The following MAOB variants were observed in gnomAD, a reference collection of about 807,000 sequenced individuals.
MAOB encodes monoamine oxidase B, also known as amine oxidase [flavin-containing] B.
A neutral mutation model predicts 41.9 loss-of-function variants in MAOB; 15 were observed. That is an observed-to-expected ratio of 0.36 (90% CI 0.24 to 0.55). The LOEUF is 0.55. Among genes scored for constraint, MAOB ranks in the 20% least tolerant of loss-of-function variants. The pLI is 0.86. For missense variants in MAOB, 345 were observed against 398.7 expected (o/e 0.87, Z 1.15); for synonymous variants, 167 against 144.2 (o/e 1.16, Z -1.13).
intron 2 of MAOB, among the ~76,000 whole-genome samples, chrX:43,839,824 C>A (rs978955492): frequency 8.9e-6 from 1 of 111,882 alleles, no homozygotes; most frequent in Non-Finnish European, 1.9e-5. Flanking sequence ...TGTACTAAAC[C>A]AGCTTCTTTA....
At position 43,836,574 on chromosome X, in the gene MAOB, A is replaced by G. The variant is rs755440234; in HGVS notation, c.279+2294T>C. Reference sequence around the variant, plus strand: ...ATATACACATATGCATGTGCATACAATTTCTTAAAATGCACTGTTATTTCC... The same window carrying G: ...ATATACACATATGCATGTGCATACAGTTTCTTAAAATGCACTGTTATTTCC... On this transcript the variant is annotated intron_variant, in intron 3 of 14. Transcript: ENST00000378069. Among the ~76,000 whole-genome samples, 3 of 112,290 alleles carry G rather than the reference A, an allele frequency of 2.7e-5. No individual in the cohort carries two copies. The East Asian group carries it at 8.4e-4, about 31-fold the overall frequency.
chrX:43,841,868 A>G (rs898191548), intron 2 of MAOB, among the ~76,000 whole-genome samples: 1 of 112,015 alleles, frequency 8.9e-6, no homozygotes, highest in African/African-American at 3.2e-5. Context: ...GCAGAAGAAT[A>G]AAAGTAGTCC....
intron 1 of MAOB, chrX:43,850,291 T>A: frequency 1.4e-6 from 1 of 707,991 alleles, no homozygotes; most frequent in African/African-American, 2.3e-5. Context: ...TCAGAATTTT[T>A]AAATTAACTT....
chrX:43,862,452 G>C (rs1006510477), intron 1 of MAOB, among the ~76,000 whole-genome samples: 1 of 112,271 alleles, frequency 8.9e-6, no homozygotes, highest in Non-Finnish European at 1.9e-5. Flanking sequence ...AGAGATTTGG[G>C]AGTCATCTTA....
chrX:43,814,792 T>C (rs2034788682), intron 3 of MAOB, among the ~76,000 whole-genome samples: 1 of 112,185 alleles, frequency 8.9e-6, no homozygotes, highest in Non-Finnish European at 1.9e-5. Context: ...GGATAAACAG[T>C]ACTAAAATAA....
chrX:43,803,473 T>C lies in MAOB; in HGVS notation c.280-69A>G, dbSNP rs1018053113. The C allele has an allele frequency of 8.0e-6, 9 of 1,120,936 alleles. No homozygotes were observed. In the African/African-American group the frequency reaches 1.3e-4, roughly 17 times the overall value. 92.4% of individuals were successfully genotyped at this position (1,120,936 alleles called of 1,213,427 possible). The stretch of plus-strand genomic sequence containing the variant: ...TGTAAAAGTAGGTAATCTGCCAAAT[T>C]GGTAAATGTCTGCAAGCAAAATTAT... On this transcript the variant is annotated intron_variant, in intron 3 of 14. Transcript: ENST00000378069.
intron 1 of MAOB, among the ~76,000 whole-genome samples, chrX:43,853,200 G>A (rs1022202641): frequency 3.7e-4 from 37 of 100,324 alleles, no homozygotes; most frequent in Non-Finnish European, 6.7e-4. Flanking sequence ...CCCGGGAGGC[G>A]GAGGTTGCAA....
intron 8 of MAOB, among the ~76,000 whole-genome samples, chrX:43,784,399 G>A: frequency 8.9e-6 from 1 of 112,437 alleles, no homozygotes; most frequent in Admixed American, 9.4e-5. Flanking sequence ...TCCATGGGCT[G>A]CAGAATGGAC....
intron 8 of MAOB, among the ~76,000 whole-genome samples, chrX:43,791,801 C>T (rs916886230): frequency 6.3e-5 from 7 of 111,484 alleles, no homozygotes; most frequent in African/African-American, 2.3e-4. Flanking sequence ...ATCTGATTCC[C>T]AAGTCTCATT....
chrX:43,770,510 T>C (rs1420945904), intron 12 of MAOB, among the ~76,000 whole-genome samples: 1 of 111,530 alleles, frequency 9.0e-6, no homozygotes, highest in Admixed American at 9.5e-5. Flanking sequence ...AGTAGCAGAG[T>C]TGGTATTTGA....
At chrX:43,813,024 A>G (rs2034767773) in intron 3 of MAOB, among the ~76,000 whole-genome samples, 1 of 112,346 alleles carries the variant, frequency 8.9e-6, no homozygotes, top group African/African-American at 3.2e-5. Context: ...CTCAATCTTC[A>G]CAGTGACCCT....
intron 3 of MAOB, among the ~76,000 whole-genome samples, chrX:43,838,535 T>C (rs1431411918): frequency 8.9e-6 from 1 of 112,432 alleles, no homozygotes; most frequent in African/African-American, 3.2e-5. Context: ...TTTAAAAACT[T>C]TGCACAGGTT....
intron 7 of MAOB, among the ~76,000 whole-genome samples, chrX:43,793,788 C>T (rs1474779178): frequency 2.7e-5 from 3 of 111,867 alleles, no homozygotes; most frequent in Non-Finnish European, 5.6e-5. Context: ...AGATTTCTCA[C>T]CATCATCGCC....
chrX:43,810,238 G>A (rs1299124978), intron 3 of MAOB, among the ~76,000 whole-genome samples: 2 of 35,501 alleles, frequency 5.6e-5, no homozygotes, highest in African/African-American at 1.7e-4. Flanking sequence ...GCGAGACTCT[G>A]TCTCAAAAAA....
intron 8 of MAOB, among the ~76,000 whole-genome samples, chrX:43,790,648 G>C (rs1450710292): frequency 1.8e-5 from 2 of 110,130 alleles, no homozygotes; most frequent in Non-Finnish European, 1.9e-5. Flanking sequence ...TTCAATTATA[G>C]CTCATTCACT....
At chrX:43,839,057 T>C in intron 2 of MAOB, 52 bp from the exon 3 acceptor site, 3 of 959,162 alleles carry the variant, frequency 3.1e-6, no homozygotes, top group Non-Finnish European at 4.2e-6. Context: ...ATGTATAAAA[T>C]AACAAAAGAC....
In MAOB at chrX:43,802,162, C is replaced by T. The variant is rs774259814; in HGVS notation, c.476+10G>A. 3.8e-5 allele frequency: 45 copies of T among 1,195,866 alleles called. No homozygotes were observed. Among genetic ancestry groups the T allele is most frequent in the Non-Finnish European group, 5.1e-5 (45 of 884,264 alleles). On this transcript the variant is annotated intron_variant, in intron 5 of 14. Coordinates refer to ENST00000378069, the MANE Select transcript of MAOB (RefSeq NM_000898.5). Reference sequence around the variant, plus strand: ...CACAGTAAATGCCTGTGCCTAATGGCAAGACTTACTCAGTCCAGCAGAGCT... The same window carrying T: ...CACAGTAAATGCCTGTGCCTAATGGTAAGACTTACTCAGTCCAGCAGAGCT...
At chrX:43,852,866 A>G (rs1166214108) in intron 1 of MAOB, among the ~76,000 whole-genome samples, 1 of 111,302 alleles carries the variant, frequency 9.0e-6, no homozygotes, top group Non-Finnish European at 1.9e-5. Context: ...GATATCCAAA[A>G]CATGATGTGC....
intron 1 of MAOB, among the ~76,000 whole-genome samples, chrX:43,853,789 C>T (rs1467833059): frequency 3.6e-5 from 4 of 111,348 alleles, no homozygotes; most frequent in Non-Finnish European, 5.7e-5. Flanking sequence ...AACCACCAGA[C>T]ACTAAGGGAG....
Sources: gnomAD v4.1 joint callset for allele counts (sites outside exome capture counted in the v4.1 genomes callset) on GRCh38, gnomAD v4.1.1 for gene constraint, MANE v1.5 for transcripts, NCBI Gene and HGNC (gene_info 2026-07-23, HGNC 2026-07-21) for gene names.